The following TSPEAR variants were observed in gnomAD, a reference collection of about 807,000 sequenced individuals.
TSPEAR encodes the protein thrombospondin type laminin G domain and EAR repeats, also known as thrombospondin-type laminin G domain and EAR repeat-containing protein.
In TSPEAR, 69 loss-of-function variants were observed where a neutral mutation model predicts 71.6. That is an observed-to-expected ratio of 0.96 (90% confidence interval 0.79 to 1.18). The LOEUF (loss-of-function observed/expected upper bound fraction) is 1.18. Among genes scored for constraint, TSPEAR ranks in the 50% most tolerant of loss-of-function variants. TSPEAR has a pLI of 0.00. For synonymous variants in TSPEAR, 402 were observed against 387.2 expected, an observed-to-expected ratio of 1.04 and a Z score of -0.45; for missense variants, 971 against 894.9, an observed-to-expected ratio of 1.09 and a Z score of -1.09.
At chr21:44,673,709 G>C (rs782003327) in intron 1 of TSPEAR, among the ~76,000 whole-genome samples, 3 of 151,982 alleles carry the variant, frequency 2.0e-5, no homozygotes, top group Non-Finnish European at 4.4e-5. Flanking sequence ...CCCTATGTTT[G>C]GCCACAAAAC....
intron 2 of TSPEAR, chr21:44,558,002 A>G (rs1555920104): frequency 3.8e-6 from 6 of 1,565,116 alleles, no homozygotes; most frequent in Non-Finnish European, 5.2e-6. Flanking sequence ...GGATTTTCGG[A>G]AGTCAGAGAT....
intron 1 of TSPEAR, chr21:44,579,578 C>CCCT: frequency 1.3e-6 from 1 of 741,002 alleles, no homozygotes; most frequent in Non-Finnish European, 2.1e-6. Flanking sequence ...GCAGGTGGGC[C>CCCT]CCTGCTGGGA....
In TSPEAR at chr21:44,539,885, C is replaced by T. The variant is rs782788125; in HGVS notation, c.304-5962G>A. 5.1e-6 allele frequency: 8 copies of T among 1,577,732 alleles called. No individual in the cohort carries two copies. In the African/African-American group the frequency reaches 5.5e-5, roughly 11 times the overall value. ...CTGCTGGCAGGGGGAGGAGGTGCAG[C>T]AAGCCGGCTGGCAGCTAGACTGCTG... On this transcript the variant is annotated intron_variant, in intron 2 of 11. Transcript: ENST00000323084.
rs1235858011 is a variant in TSPEAR, at chr21:44,695,938, C to T, written c.82+15495G>A. On this transcript the variant is annotated intron_variant, in intron 1 of 11. Coordinates refer to ENST00000323084, the MANE Select transcript of TSPEAR (RefSeq NM_144991.3). This position sits in a 1 kb window ranked among gnomAD's most constrained non-coding sequence, Gnocchi z 4.5. ...TCCAGGCAGAGCCAAGCAGCTCTCC[C>T]TTAATCTCAGGATCCTCCAGGCTAG... Among the ~76,000 whole-genome samples the T allele has an allele frequency of 1.3e-5, 2 of 152,228 alleles. No homozygotes were observed. The highest frequency in any genetic ancestry group is 2.9e-5 in the Non-Finnish European group (2 of 68,038).
At chr21:44,654,492 A>T in intron 1 of TSPEAR, 1 of 1,613,858 alleles carries the variant, frequency 6.2e-7, no homozygotes, top group Admixed American at 1.7e-5. Context: ...GCAGAGCCAC[A>T]CAGGGGGCTG....
chr21:44,600,762 C>T lies in TSPEAR; in HGVS notation c.83-32757G>A, dbSNP rs377470749. 6.2e-5 allele frequency: 100 copies of T among 1,600,580 alleles called. 5 individuals carry two copies. In the African/African-American group the frequency reaches 8.6e-4, roughly 14 times the overall value. ...AGAGCTGCTGCGAGCCCCCCTGCTGCGCCCCGGCCCCCTGCCTGAGCCTGG... is the reference window on the plus strand; with the variant it reads ...AGAGCTGCTGCGAGCCCCCCTGCTGTGCCCCGGCCCCCTGCCTGAGCCTGG... On this transcript the variant is annotated intron_variant, in intron 1 of 11. Coordinates refer to ENST00000323084, the MANE Select transcript of TSPEAR (RefSeq NM_144991.3).
Position 44,623,452 on chromosome 21 carries a change from T to C in TSPEAR, c.83-55447A>G, listed in dbSNP as rs782657434. Among the ~76,000 whole-genome samples, 11 of 152,388 alleles carry C rather than the reference T, an allele frequency of 7.2e-5. No individual in the cohort carries two copies. Among genetic ancestry groups the C allele is most frequent in the Middle Eastern group, 3.4e-3 (1 of 294 alleles). ...ATGTATTTCATTTCTATAAATATTT[T>C]ACAACTTCTAAGACATCTTATACAG... is the stretch of plus-strand genomic sequence containing the variant. On this transcript the variant is annotated intron_variant, in intron 1 of 11. Transcript: ENST00000323084. The surrounding 1 kb of genome is among the most constrained non-coding windows in gnomAD (Gnocchi z 4.5).
At chr21:44,677,662 CTGCGGT>C in intron 1 of TSPEAR, 1 of 1,334,226 alleles carries the variant, frequency 7.5e-7, no homozygotes, top group East Asian at 2.3e-5. Context: ...ACTGTATCAC[CTGCGGT>C]TGCTGAAGCT....
chr21:44,654,356 G>C, intron 1 of TSPEAR: 3 of 1,614,116 alleles, frequency 1.9e-6, no homozygotes, highest in Non-Finnish European at 2.5e-6. Flanking sequence ...CCAGAGGTTG[G>C]GCAGAAGGAA....
chr21:44,578,785 G>A (rs1978647047), intron 1 of TSPEAR, among the ~76,000 whole-genome samples: 1 of 152,154 alleles, frequency 6.6e-6, no homozygotes, highest in Non-Finnish European at 1.5e-5. Context: ...AATCCCCCAG[G>A]TCTCAGCAGG....
At chr21:44,626,612 G>C (rs1434674543) in intron 1 of TSPEAR, among the ~76,000 whole-genome samples, 3 of 152,212 alleles carry the variant, frequency 2.0e-5, no homozygotes, top group African/African-American at 7.2e-5. Flanking sequence ...AATGAACAGA[G>C]GGCAGGAGGC....
intron 2 of TSPEAR, among the ~76,000 whole-genome samples, chr21:44,534,140 G>A (rs1330047686): frequency 1.9e-5 from 2 of 104,584 alleles, no homozygotes; most frequent in African/African-American, 4.3e-5. Context: ...TTGATGGAGC[G>A]CTAGGGCTGG....
chr21:44,514,083 C>T (rs148245204), intron 9 of TSPEAR, among the ~76,000 whole-genome samples: 95 of 152,336 alleles, frequency 6.2e-4, no homozygotes, highest in African/African-American at 2.0e-3. Context: ...TCAGAGAAGA[C>T]AGAAGTCATG....
At chr21:44,698,033 C>T (rs1352973757) in intron 1 of TSPEAR, 1 of 1,454,468 alleles carries the variant, frequency 6.9e-7, no homozygotes, top group Admixed American at 2.0e-5. Context: ...ACTACTGGCC[C>T]CTCGGCTGCT....
At chr21:44,655,914 C>G (rs587707245) in intron 1 of TSPEAR, among the ~76,000 whole-genome samples, 1 of 152,236 alleles carries the variant, frequency 6.6e-6, no homozygotes, top group African/African-American at 2.4e-5. Context: ...TGCCAAGAAG[C>G]CTTCAGACAA....
intron 1 of TSPEAR, among the ~76,000 whole-genome samples, chr21:44,706,245 C>G (rs1251086543): frequency 6.6e-6 from 1 of 152,214 alleles, no homozygotes; most frequent in Non-Finnish European, 1.5e-5. Context: ...CATGCACCGG[C>G]AAAACCAAGG....
At chr21:44,596,190 G>A (rs1555927595) in intron 1 of TSPEAR, among the ~76,000 whole-genome samples, 1 of 152,218 alleles carries the variant, frequency 6.6e-6, no homozygotes, top group Non-Finnish European at 1.5e-5. Context: ...TCAACTGGAG[G>A]CTGCCATCAT....
intron 1 of TSPEAR, among the ~76,000 whole-genome samples, chr21:44,590,699 G>C (rs1203794718): frequency 1.3e-5 from 2 of 152,152 alleles, no homozygotes; most frequent in African/African-American, 4.8e-5. Context: ...GCTGGAGCTA[G>C]GCCCCGGGTG....
chr21:44,539,229 G>A (rs1555916758), intron 2 of TSPEAR: 1 of 1,564,782 alleles, frequency 6.4e-7, no homozygotes, highest in Non-Finnish European at 8.6e-7. Context: ...ACCTAACCCA[G>A]GTCAGGAACT....
Sources: allele counts gnomAD v4.1 joint callset (sites outside exome capture counted in the v4.1 genomes callset), GRCh38; gene constraint gnomAD v4.1.1; non-coding constraint Gnocchi (gnomAD v3.1); transcripts MANE v1.5; gene names NCBI Gene and HGNC (gene_info 2026-07-23, HGNC 2026-07-21).